ACVR2A: variants seen among roughly 807,000 people sequenced by gnomAD.
ACVR2A encodes activin receptor type-2A.
ACVR2A carries 7 observed loss-of-function variants against 61.4 expected under a neutral mutation model. That is an observed-to-expected ratio of 0.11 (90% CI 0.06 to 0.21). The LOEUF (loss-of-function observed/expected upper bound fraction) is 0.21. Among genes scored for constraint, ACVR2A ranks in the 10% least tolerant of loss-of-function variants. The pLI is 1.00. For synonymous variants in ACVR2A, 193 were observed against 208.3 expected, an observed-to-expected ratio of 0.93 and a Z score of 0.63; for missense variants, 322 against 621.7, an observed-to-expected ratio of 0.52 and a Z score of 5.13.
chr2:147,849,458 C>G (rs1685396424), intron 1 of ACVR2A, among the ~76,000 whole-genome samples: 1 of 151,986 alleles, frequency 6.6e-6, no homozygotes, highest in Non-Finnish European at 1.5e-5. Context: ...AACTTTTAAC[C>G]TAATCTCTTA....
At chr2:147,907,065 C>T (rs1477636155) in intron 4 of ACVR2A, among the ~76,000 whole-genome samples, 1 of 152,028 alleles carries the variant, frequency 6.6e-6, no homozygotes, top group African/African-American at 2.4e-5. Flanking sequence ...TGTTCTACTC[C>T]CACTTATGAG....
intron 1 of ACVR2A, among the ~76,000 whole-genome samples, chr2:147,869,700 A>G (rs1026137165): frequency 1.3e-5 from 2 of 152,238 alleles, no homozygotes; most frequent in Non-Finnish European, 2.9e-5. Context: ...GAGAAACCAG[A>G]TGAATACCAG....
At chr2:147,885,259 A>G (rs905932181) in intron 1 of ACVR2A, among the ~76,000 whole-genome samples, 1 of 152,150 alleles carries the variant, frequency 6.6e-6, no homozygotes, top group African/African-American at 2.4e-5. Flanking sequence ...TTGAGTCCTT[A>G]AAAAGTTTTT....
chr2:147,893,004 C>A (rs532595000), intron 1 of ACVR2A, among the ~76,000 whole-genome samples: 3 of 151,898 alleles, frequency 2.0e-5, no homozygotes, highest in East Asian at 3.9e-4. Context: ...CATAATACAC[C>A]CTAGTCAAGG....
At chr2:147,912,766 G>A (rs780452485) in intron 4 of ACVR2A, among the ~76,000 whole-genome samples, 2 of 151,808 alleles carry the variant, frequency 1.3e-5, no homozygotes, top group African/African-American at 4.8e-5. Context: ...AATCCTTTGT[G>A]TATTAAAGAA....
At chr2:147,855,801 A>G (rs1685556846) in intron 1 of ACVR2A, among the ~76,000 whole-genome samples, 1 of 152,148 alleles carries the variant, frequency 6.6e-6, no homozygotes, top group Admixed American at 6.5e-5. Flanking sequence ...GAATTTTTGT[A>G]ACAAATTTCT....
chr2:147,875,461 A>G (rs369889396), intron 1 of ACVR2A, among the ~76,000 whole-genome samples: 1 of 152,136 alleles, frequency 6.6e-6, no homozygotes, highest in African/African-American at 2.4e-5. Context: ...TCCTACACAT[A>G]ACTAATAGAA....
chr2:147,882,662 A>G (rs1686335241), intron 1 of ACVR2A, among the ~76,000 whole-genome samples: 1 of 152,246 alleles, frequency 6.6e-6, no homozygotes, highest in Non-Finnish European at 1.5e-5. Context: ...GTCTAGTGCC[A>G]CAACATATAA....
At chr2:147,916,996 T>G (rs1316637167) in intron 5 of ACVR2A, among the ~76,000 whole-genome samples, 2 of 151,928 alleles carry the variant, frequency 1.3e-5, no homozygotes, top group African/African-American at 2.4e-5. Flanking sequence ...GTAACTTACG[T>G]GTTGCCATTG....
chr2:147,901,818 C>T (rs1160159301), intron 4 of ACVR2A, among the ~76,000 whole-genome samples: 1 of 152,018 alleles, frequency 6.6e-6, no homozygotes, highest in African/African-American at 2.4e-5. Context: ...CAGTGTGGAA[C>T]TTCACTTTTG....
intron 5 of ACVR2A, 147 bp downstream of exon 5, chr2:147,915,481 C>A (rs1189150194): frequency 2.5e-6 from 2 of 802,122 alleles, no homozygotes; most frequent in Admixed American, 3.1e-5. Context: ...TAATGCCTGC[C>A]TTTGCATCTG....
chr2:147,918,687 CA>C (rs978215439), intron 7 of ACVR2A, 95 bp downstream of exon 7: 3 of 1,104,224 alleles, frequency 2.7e-6, no homozygotes, highest in Non-Finnish European at 3.7e-6. Context: ...CTTTGTTATG[CA>C]ATCATGCTTT....
intron 1 of ACVR2A, among the ~76,000 whole-genome samples, chr2:147,885,253 G>A (rs1321180843): frequency 6.6e-6 from 1 of 152,024 alleles, no homozygotes; most frequent in East Asian, 1.9e-4. Context: ...TTATATTTGA[G>A]TCCTTAAAAA....
At chr2:147,856,785 A>G (rs1315404804) in intron 1 of ACVR2A, among the ~76,000 whole-genome samples, 3 of 152,194 alleles carry the variant, frequency 2.0e-5, no homozygotes, top group African/African-American at 7.2e-5. Context: ...GGCCAGAAAA[A>G]TGGTTGAATA....
rs141226334 is a variant in ACVR2A, at chr2:147,920,049, G to A, written c.963-181G>A. On this transcript the variant is annotated intron_variant, in intron 7 of 10. Transcript: ENST00000241416. Reference sequence around the variant, plus strand: ...ATGTTATGAATAGGGGTTTGTCACCGTGCTCTTGTGTTTAAGGCTGCATGG... The same window carrying A: ...ATGTTATGAATAGGGGTTTGTCACCATGCTCTTGTGTTTAAGGCTGCATGG... Among the ~76,000 whole-genome samples, 256 of 152,100 alleles carry A rather than the reference G, an allele frequency of 1.7e-3. 2 individuals are homozygous for A. Among genetic ancestry groups the A allele is most frequent in the African/African-American group, 5.9e-3 (244 of 41,506 alleles).
chr2:147,900,883 A>G (rs962885786), intron 4 of ACVR2A, among the ~76,000 whole-genome samples: 1 of 151,004 alleles, frequency 6.6e-6, no homozygotes, highest in Non-Finnish European at 1.5e-5. Flanking sequence ...GACCAAAACA[A>G]CTCCTTCCCT....
intron 1 of ACVR2A, among the ~76,000 whole-genome samples, chr2:147,879,715 CA>C (rs1176193589): frequency 1.3e-4 from 20 of 152,146 alleles, no homozygotes; most frequent in African/African-American, 3.9e-4. Flanking sequence ...AGTGGGAAGC[CA>C]TTGAATGGCT....
intron 4 of ACVR2A, among the ~76,000 whole-genome samples, chr2:147,909,639 CTTTATT>C (rs1687068629): frequency 6.6e-6 from 1 of 151,800 alleles, no homozygotes; most frequent in East Asian, 1.9e-4. Flanking sequence ...TTTTATTTTG[CTTTATT>C]TTTATTTTTG....
chr2:147,880,455 T>A (rs1211074766), intron 1 of ACVR2A, among the ~76,000 whole-genome samples: 1 of 152,186 alleles, frequency 6.6e-6, no homozygotes, highest in Non-Finnish European at 1.5e-5. Context: ...TCCAGAGGTA[T>A]TAACATGATT....
Sources: allele counts gnomAD v4.1 joint callset (sites outside exome capture counted in the v4.1 genomes callset), GRCh38; gene constraint gnomAD v4.1.1; transcripts MANE v1.5; gene names NCBI Gene and HGNC (gene_info 2026-07-23, HGNC 2026-07-21).